The following SMARCA4 variants were observed in gnomAD, a reference collection of about 807,000 sequenced individuals.
SMARCA4 encodes SWI/SNF related BAF chromatin remodeling complex subunit ATPase 4, also known as SWI/SNF-related matrix-associated actin-dependent regulator of chromatin subfamily A member 4.
SMARCA4 carries 31 observed loss-of-function variants against 193.9 expected under a neutral mutation model. The observed-to-expected ratio is 0.16, with a 90% CI of 0.12 to 0.22. The LOEUF (loss-of-function observed/expected upper bound fraction) is 0.22. SMARCA4 is among the 10% of genes least tolerant of loss of function. SMARCA4 has a pLI of 1.00. For missense variants in SMARCA4, 1,148 were observed against 2,296.0 expected, an observed-to-expected ratio of 0.50 and a Z score of 10.22; for synonymous variants, 942 against 933.1, an observed-to-expected ratio of 1.01 and a Z score of -0.17.
At chr19:11,042,119 G>C (rs116554823) in intron 30 of SMARCA4, among the ~76,000 whole-genome samples, 2,171 of 152,322 alleles carry the variant, frequency 0.014, 46 homozygotes, top group South Asian at 0.056. Context: ...CTCTCTGCCA[G>C]GCCCTGCTCC....
intron 30 of SMARCA4, among the ~76,000 whole-genome samples, chr19:11,043,649 G>A (rs2075742099): frequency 6.6e-6 from 1 of 151,908 alleles, no homozygotes; most frequent in Admixed American, 6.6e-5. Flanking sequence ...ATGAGACCCT[G>A]TATCTTAAAA....
At position 11,031,089 on chromosome 19, in the gene SMARCA4, A is replaced by G. The variant is rs2146609768; in HGVS notation, c.3546+196A>G. 1.6e-6 allele frequency: 1 copy of G among 637,874 alleles called. No individual in the cohort carries two copies. Among genetic ancestry groups the G allele is most frequent in the Non-Finnish European group, 2.8e-6 (1 of 353,004 alleles). The allele number at this position is 637,874 out of a possible 1,614,324, so 39.5% of individuals were successfully genotyped here. A position where few individuals can be genotyped will look rare whatever the true frequency, so the allele number is the denominator to read the frequency against. On this transcript the variant is annotated intron_variant, in intron 25 of 34. Transcript: ENST00000344626. This position sits in a 1 kb window ranked among gnomAD's most constrained non-coding sequence, Gnocchi z 4.3. ...GGGGTCCTCCTGTTTCCCAAAATAC[A>G]AACAGCCTTTCCCTCTGATTGGGAA...
intron 16 of SMARCA4, 113 bp from the exon 17 acceptor site, chr19:11,018,844 T>A (rs776916964): frequency 4.6e-6 from 4 of 860,674 alleles, no homozygotes; most frequent in African/African-American, 1.7e-5. Context: ...CTCTGCCCAC[T>A]CGGAGGGCTG....
rs1599929580 is a variant in SMARCA4 at position 10,984,280 on chromosome 19, G to A, written c.129G>A (p.Met43Ile). The change falls in exon 2 of 35, where the codon ATG (methionine) becomes ATA (isoleucine). Residue 43 changes from methionine to isoleucine, a missense_variant. Physicochemically the swap from Met to Ile is conservative, Grantham distance 10. Coordinates refer to ENST00000344626, the MANE Select transcript of SMARCA4 (RefSeq NM_003072.5). This position sits in a 1 kb window ranked among gnomAD's most constrained non-coding sequence, Gnocchi z 4.3. ...GPSPGSAHSM[M>I]GPSPGPPSAG... ...CGCCGGGCTCCGCCCACAGCATGAT[G>A]GGGCCCAGCCCAGGGCCGCCCTCAG... 6.2e-7 allele frequency: 1 copy of A among 1,610,550 alleles called. No homozygotes were observed. Among genetic ancestry groups the A allele is most frequent in the Non-Finnish European group, 8.5e-7 (1 of 1,178,880 alleles).
At chr19:11,029,483 C>G (rs1407912415) in intron 24 of SMARCA4, among the ~76,000 whole-genome samples, 1 of 152,272 alleles carries the variant, frequency 6.6e-6, no homozygotes, top group African/African-American at 2.4e-5. Context: ...CCTGAGACTG[C>G]ATCTCCCATG....
At chr19:10,966,910 G>A (rs1243169697) in intron 1 of SMARCA4, among the ~76,000 whole-genome samples, 7 of 151,842 alleles carry the variant, frequency 4.6e-5, no homozygotes, top group South Asian at 4.2e-4. Context: ...AAAAAAAGCC[G>A]GGGGTTGGGA....
At chr19:10,975,507 C>T (rs2085059834) in intron 1 of SMARCA4, among the ~76,000 whole-genome samples, 1 of 151,848 alleles carries the variant, frequency 6.6e-6, no homozygotes, top group African/African-American at 2.4e-5. Context: ...GATAGGGTTT[C>T]ACCATGTTGG....
chr19:11,055,322 TG>T (rs1446965963), intron 30 of SMARCA4, among the ~76,000 whole-genome samples: 1 of 152,118 alleles, frequency 6.6e-6, no homozygotes, highest in African/African-American at 2.4e-5. Context: ...CCCGAGTAGC[TG>T]GGATTGCAGG....
At chr19:11,056,016 C>T (rs1182843954) in intron 30 of SMARCA4, among the ~76,000 whole-genome samples, 1 of 152,190 alleles carries the variant, frequency 6.6e-6, no homozygotes, top group Non-Finnish European at 1.5e-5. Context: ...AAGCGCAACT[C>T]TTGCTGTGCC....
At chr19:11,022,005 G>C (rs779136916) in intron 19 of SMARCA4, 38 bp downstream of exon 19, 12 of 1,610,916 alleles carry the variant, frequency 7.4e-6, no homozygotes, top group Non-Finnish European at 1.0e-5. Flanking sequence ...GACGGTTCCA[G>C]GTGCGGCTGG....
Position 10,989,252 on chromosome 19 carries a change from C to A in SMARCA4, c.1119-65C>A, listed in dbSNP as rs1298147647. ...CTCTCGAGGGATGGGTCCCCTGCAG[C>A]TCCAGCTGTAACTGGGTGCCCTGGC... On this transcript the variant is annotated intron_variant, in intron 6 of 34. Transcript: ENST00000344626. 4 of 1,603,894 alleles carry A rather than the reference C, an allele frequency of 2.5e-6. No homozygotes were observed. The East Asian group carries it at 8.9e-5, about 36-fold the overall frequency.
Position 11,033,525 on chromosome 19 carries a change from C to G in SMARCA4, c.3774+8C>G, listed in dbSNP as rs2146656292. The G allele has an allele frequency of 6.2e-7, 1 of 1,606,022 alleles. No homozygotes were observed. The highest frequency in any genetic ancestry group is 2.2e-5 in the East Asian group (1 of 44,832). On this transcript the variant is annotated splice_region_variant and intron_variant, in intron 26 of 34. Transcript: ENST00000344626. The surrounding 1 kb of genome is among the most constrained non-coding windows in gnomAD (Gnocchi z 9.8). ...CACGAGGAGCAGGATGAGGTGAGCC[C>G]AGCACCGGCCCCGACCCCTCCCCAG...
intron 1 of SMARCA4, among the ~76,000 whole-genome samples, chr19:10,979,183 A>T (rs888816312): frequency 1.3e-5 from 2 of 151,996 alleles, no homozygotes; most frequent in Non-Finnish European, 2.9e-5. Context: ...TGTAGATGAT[A>T]CAACTATTTT....
rs1314550149 is a variant in SMARCA4 at position 10,995,282 on chromosome 19, A to T, written c.1593+281A>T. 6.7e-6 allele frequency: 4 copies of T among 595,060 alleles called. No homozygotes were observed. In the Admixed American group the frequency reaches 8.6e-5, roughly 13 times the overall value. 36.9% of individuals were successfully genotyped at this position (595,060 alleles called of 1,614,324 possible). A position where few individuals can be genotyped will look rare whatever the true frequency, so the allele number is the denominator to read the frequency against. On this transcript the variant is annotated intron_variant, in intron 9 of 34. Transcript: ENST00000344626. ...GTGCCCCCTTCCCTCGTTCTGTGAG[A>T]GCCAGGTGGTGTGATCCAGACCCCC... is the stretch of plus-strand genomic sequence containing the variant.
chr19:10,980,556 C>A (rs2085479365), intron 1 of SMARCA4, among the ~76,000 whole-genome samples: 1 of 151,892 alleles, frequency 6.6e-6, no homozygotes, highest in Non-Finnish European at 1.5e-5. Flanking sequence ...ATCGCTTGAA[C>A]CCCGGGGACG....
chr19:11,019,071 C>T lies in SMARCA4; in HGVS notation c.2505+48C>T, dbSNP rs372092028. ...TCCTCTCTTGCTACGGAGGTGCAGG[C>T]GGTGGTGGGCAGGACGTCCACACAT... On this transcript the variant is annotated intron_variant, in intron 17 of 34. Transcript: ENST00000344626. This position sits in a 1 kb window ranked among gnomAD's most constrained non-coding sequence, Gnocchi z 6.1. The T allele has an allele frequency of 1.3e-5, 18 of 1,437,702 alleles. No individual in the cohort carries two copies. Among genetic ancestry groups the T allele is most frequent in the Admixed American group, 6.7e-5 (4 of 59,816 alleles). 89.1% of individuals were successfully genotyped at this position (1,437,702 alleles called of 1,614,324 possible).
chr19:10,995,136 G>A (rs1221400349), intron 9 of SMARCA4, 135 bp downstream of exon 9: 3 of 829,704 alleles, frequency 3.6e-6, no homozygotes, highest in Non-Finnish European at 6.1e-6. Flanking sequence ...GAAAAGAGCA[G>A]GCGCGGGCTT....
At chr19:10,962,638 G>A (rs1224873962) in intron 1 of SMARCA4, among the ~76,000 whole-genome samples, 2 of 152,170 alleles carry the variant, frequency 1.3e-5, no homozygotes, top group African/African-American at 2.4e-5. Flanking sequence ...CGCCTCCTGG[G>A]TTCAAGCGAT....
intron 34 of SMARCA4, chr19:11,060,399 C>T: frequency 1.6e-6 from 1 of 642,888 alleles, no homozygotes; most frequent in East Asian, 2.7e-5. Context: ...CCGGAACCAG[C>T]TCTCAGTACC....
Sources: allele counts gnomAD v4.1 joint callset (sites outside exome capture counted in the v4.1 genomes callset), GRCh38; gene constraint gnomAD v4.1.1; non-coding constraint Gnocchi (gnomAD v3.1); transcripts MANE v1.5; gene names NCBI Gene and HGNC (gene_info 2026-07-23, HGNC 2026-07-21).